The following PHF20 variants were observed in gnomAD, a reference collection of about 807,000 sequenced individuals.
The protein encoded by PHF20 is PHD finger protein 20.
A neutral mutation model predicts 113.5 loss-of-function variants in PHF20; 23 were observed. The observed-to-expected ratio is 0.20, with a 90% CI of 0.15 to 0.29. PHF20 has a LOEUF of 0.29. Among genes scored for constraint, PHF20 ranks in the 10% least tolerant of loss-of-function variants. The pLI, the probability that PHF20 is intolerant of heterozygous loss-of-function variation, is 1.00. For synonymous variants in PHF20, 434 were observed against 457.3 expected (o/e 0.95, Z 0.65); for missense variants, 943 against 1,219.6 (o/e 0.77, Z 3.38).
intron 5 of PHF20, among the ~76,000 whole-genome samples, chr20:35,859,381 T>A (rs1412413769): frequency 6.6e-6 from 1 of 152,194 alleles, no homozygotes; most frequent in Non-Finnish European, 1.5e-5. Flanking sequence ...TATTAGTCTT[T>A]TTAAAAATCC....
intron 3 of PHF20, among the ~76,000 whole-genome samples, chr20:35,843,376 G>GGA (rs2042565025): frequency 6.6e-6 from 1 of 151,366 alleles, no homozygotes. Context: ...AAAATTAGCT[G>GGA]GATATAGTGG....
chr20:35,806,944 T>C (rs555519778), intron 2 of PHF20, among the ~76,000 whole-genome samples: 94 of 151,940 alleles, frequency 6.2e-4, no homozygotes, highest in Non-Finnish European at 9.9e-4. Flanking sequence ...TACAGGTGCC[T>C]GCCACCACGC....
rs2054375232 is a variant in PHF20 at position 35,869,318 on chromosome 20, C to T, written c.809-120C>T. 3 of 497,592 alleles carry T rather than the reference C, an allele frequency of 6.0e-6. No individual in the cohort carries two copies. The Admixed American group carries it at 1.2e-4, about 20-fold the overall frequency. The allele number at this position is 497,592 out of a possible 1,614,324, so 30.8% of individuals were successfully genotyped here. On this transcript the variant is annotated intron_variant, in intron 6 of 17. Coordinates refer to ENST00000374012, the MANE Select transcript of PHF20 (RefSeq NM_016436.5). ...TTAAGTAAGAATGCCCTTTTGATGG[C>T]CCATTTATAATGCAGTGATTTCTGC...
At chr20:35,879,610 C>A (rs559458153) in intron 9 of PHF20, among the ~76,000 whole-genome samples, 1 of 151,760 alleles carries the variant, frequency 6.6e-6, no homozygotes. Flanking sequence ...TATATACCAT[C>A]GAATGTTATT....
At chr20:35,919,993 T>C (rs1329705614) in intron 13 of PHF20, among the ~76,000 whole-genome samples, 1 of 152,214 alleles carries the variant, frequency 6.6e-6, no homozygotes, top group African/African-American at 2.4e-5. Context: ...TTATCAGTGA[T>C]ATACACATAC....
At chr20:35,807,075 A>T (rs137978601) in intron 2 of PHF20, among the ~76,000 whole-genome samples, 1 of 152,048 alleles carries the variant, frequency 6.6e-6, no homozygotes, top group African/African-American at 2.4e-5. Flanking sequence ...GATTACAGGC[A>T]TGAGCCACTG....
chr20:35,929,960 T>G (rs1332056474), intron 14 of PHF20, among the ~76,000 whole-genome samples: 1 of 152,254 alleles, frequency 6.6e-6, no homozygotes, highest in African/African-American at 2.4e-5. Context: ...ACCTGGGTGT[T>G]TCAAGGTTTT....
At position 35,938,718 on chromosome 20, in the gene PHF20, G is replaced by A. The variant is rs767580248; in HGVS notation, c.2322G>A (p.Leu774=). The part of the protein sequence containing the change: ...SILQSREHPD[L]PLWCQPWKQH... ...ACAGAAGCCGGGAGCATCCTGATCT[G>A]CCGCTGTGGTGCCAGCCTTGGAAAC... is the stretch of plus-strand genomic sequence containing the variant. The change falls in exon 16 of 18, where the codon CTG becomes CTA. Residue 774 remains leucine (L), a synonymous_variant. Coordinates refer to ENST00000374012, the MANE Select transcript of PHF20 (RefSeq NM_016436.5). The A allele has an allele frequency of 6.2e-7, 1 of 1,611,400 alleles. No homozygotes were observed. The highest frequency in any genetic ancestry group is 8.5e-7 in the Non-Finnish European group (1 of 1,178,600).
intron 2 of PHF20, among the ~76,000 whole-genome samples, chr20:35,820,494 G>A (rs1170466301): frequency 6.7e-6 from 1 of 150,302 alleles, no homozygotes; most frequent in African/African-American, 2.5e-5. Flanking sequence ...TGCCACCCAG[G>A]CTGGAGTGCA....
chr20:35,786,719 A>G (rs2041425414), intron 1 of PHF20, among the ~76,000 whole-genome samples: 1 of 152,116 alleles, frequency 6.6e-6, no homozygotes, highest in South Asian at 2.1e-4. Context: ...CTCCAGAGCT[A>G]TAGACTATAT....
intron 10 of PHF20, among the ~76,000 whole-genome samples, chr20:35,910,584 C>T (rs964691583): frequency 2.0e-5 from 3 of 152,036 alleles, no homozygotes; most frequent in Admixed American, 1.3e-4. Flanking sequence ...CCCCTGAGCT[C>T]CAGGCAACCA....
intron 9 of PHF20, among the ~76,000 whole-genome samples, chr20:35,895,433 T>C (rs1032519997): frequency 6.6e-6 from 1 of 152,162 alleles, no homozygotes; most frequent in African/African-American, 2.4e-5. Context: ...GCTGGAATTA[T>C]AGTCGTGAGC....
chr20:35,879,464 G>T (rs897471446), intron 9 of PHF20, among the ~76,000 whole-genome samples: 5 of 152,128 alleles, frequency 3.3e-5, no homozygotes, highest in African/African-American at 9.7e-5. Flanking sequence ...AAAGGTAAAT[G>T]AACACTGTTT....
chr20:35,841,611 A>G (rs2042536571), intron 2 of PHF20, among the ~76,000 whole-genome samples: 1 of 152,102 alleles, frequency 6.6e-6, no homozygotes, highest in Non-Finnish European at 1.5e-5. Flanking sequence ...TTCTACTAAA[A>G]ATACAAAAAT....
At chr20:35,911,050 T>C (rs1174516254) in intron 10 of PHF20, among the ~76,000 whole-genome samples, 2 of 152,068 alleles carry the variant, frequency 1.3e-5, no homozygotes, top group African/African-American at 4.8e-5. Context: ...TTTTCTATTT[T>C]TATTTTTTGA....
chr20:35,888,784 C>T, intron 9 of PHF20, among the ~76,000 whole-genome samples: 1 of 147,918 alleles, frequency 6.8e-6, no homozygotes. Context: ...TAATAATTTA[C>T]ATGTCTTCTG....
At chr20:35,910,646 C>A (rs901120160) in intron 10 of PHF20, among the ~76,000 whole-genome samples, 6 of 151,904 alleles carry the variant, frequency 3.9e-5, no homozygotes. Flanking sequence ...TTTCTTCCCC[C>A]CCGAGATGGA....
chr20:35,816,359 AC>A (rs2042073702), intron 2 of PHF20, among the ~76,000 whole-genome samples: 2 of 152,200 alleles, frequency 1.3e-5, no homozygotes, highest in Admixed American at 1.3e-4. Context: ...TAACAAGTAT[AC>A]TGAGTGAATT....
chr20:35,909,001 A>T (rs561570120), intron 10 of PHF20, among the ~76,000 whole-genome samples: 19 of 152,140 alleles, frequency 1.2e-4, no homozygotes, highest in African/African-American at 4.6e-4. Context: ...CTTCCATTTC[A>T]ATCTGTAGAG....
Sources: gnomAD v4.1 joint callset for allele counts (sites outside exome capture counted in the v4.1 genomes callset) on GRCh38, gnomAD v4.1.1 for gene constraint, MANE v1.5 for transcripts, NCBI Gene and HGNC (gene_info 2026-07-23, HGNC 2026-07-21) for gene names.